The following EFL1 variants were observed in gnomAD, a reference collection of about 807,000 sequenced individuals.
EFL1 encodes elongation factor like GTPase 1.
In EFL1, 76 loss-of-function variants were observed where a neutral mutation model predicts 126.7. The observed-to-expected ratio is 0.60, with a 90% confidence interval of 0.50 to 0.73. EFL1 has a LOEUF of 0.73. Among genes scored for constraint, EFL1 ranks in the 30% least tolerant of loss-of-function variants. The pLI, the probability that EFL1 is intolerant of heterozygous loss-of-function variation, is 0.00. For missense variants in EFL1, 1,128 were observed against 1,343.2 expected (o/e 0.84, Z 2.50); for synonymous variants, 410 against 448.4 (o/e 0.91, Z 1.08).
At chr15:82,170,682 TTTTGGAG>T (rs1567048888) in intron 15 of EFL1, among the ~76,000 whole-genome samples, 1 of 152,206 alleles carries the variant, frequency 6.6e-6, no homozygotes, top group Non-Finnish European at 1.5e-5. Flanking sequence ...TTAAGAGCTA[TTTTGGAG>T]TATGACATAA....
chr15:82,140,929 T>A (rs1567037700), intron 18 of EFL1, among the ~76,000 whole-genome samples: 1 of 152,226 alleles, frequency 6.6e-6, no homozygotes, highest in South Asian at 2.1e-4. Flanking sequence ...CATCTTTGGA[T>A]AACTGTAACA....
At chr15:82,143,552 C>T (rs191057618) in intron 18 of EFL1, among the ~76,000 whole-genome samples, 1 of 152,318 alleles carries the variant, frequency 6.6e-6, no homozygotes, top group East Asian at 1.9e-4. Flanking sequence ...AGCTATAAGA[C>T]TGCTGAATCA....
At chr15:82,189,151 C>T (rs1459064589) in intron 15 of EFL1, among the ~76,000 whole-genome samples, 2 of 152,164 alleles carry the variant, frequency 1.3e-5, no homozygotes, top group East Asian at 3.9e-4. Flanking sequence ...GTACCGAGTA[C>T]TATACACAAT....
intron 15 of EFL1, among the ~76,000 whole-genome samples, chr15:82,189,345 A>G (rs974429555): frequency 6.6e-6 from 1 of 152,198 alleles, no homozygotes; most frequent in African/African-American, 2.4e-5. Flanking sequence ...TAGATACAAG[A>G]GGTACAGTAG....
rs2074101098 is a variant in EFL1 at position 82,168,488 on chromosome 15, A to G, written c.1751-4504T>C. ...TCATAAATTTTTTTCTTCTCATAGG[A>G]ACAGACTGAGCTAATAACAGTTTTC... On this transcript the variant is annotated intron_variant, in intron 15 of 19. Transcript: ENST00000268206. Among the ~76,000 whole-genome samples the G allele has an allele frequency of 2.0e-5, 3 of 152,150 alleles. No individual in the cohort carries two copies. The South Asian group carries it at 6.2e-4, about 32-fold the overall frequency.
chr15:82,253,316 G>C, intron 3 of EFL1, among the ~76,000 whole-genome samples: 1 of 151,956 alleles, frequency 6.6e-6, no homozygotes, highest in South Asian at 2.1e-4. Context: ...CTGGCATTAC[G>C]GGCATGAGCT....
At chr15:82,134,267 A>G (rs1043509262) in intron 19 of EFL1, among the ~76,000 whole-genome samples, 2 of 152,094 alleles carry the variant, frequency 1.3e-5, no homozygotes, top group African/African-American at 4.8e-5. Context: ...TCCTTAGTGG[A>G]GCAAAGACAA....
intron 14 of EFL1, chr15:82,215,783 G>T (rs920726892): frequency 2.6e-5 from 4 of 152,154 alleles, no homozygotes; most frequent in Non-Finnish European, 4.4e-5. Context: ...AGGTTCAGAG[G>T]AAGGAGAGGC....
At chr15:82,191,278 G>GTA (rs920090348) in intron 15 of EFL1, among the ~76,000 whole-genome samples, 5 of 152,054 alleles carry the variant, frequency 3.3e-5, no homozygotes, top group African/African-American at 1.2e-4. Context: ...TACTTCAAGC[G>GTA]TAAAGTTTTC....
intron 4 of EFL1, among the ~76,000 whole-genome samples, chr15:82,250,977 C>T (rs1445416443): frequency 2.0e-5 from 3 of 152,024 alleles, no homozygotes; most frequent in Non-Finnish European, 4.4e-5. Flanking sequence ...TTTGGGACAC[C>T]GAGGCGGGCG....
At chr15:82,215,946 G>A (rs1311988960) in intron 14 of EFL1, among the ~76,000 whole-genome samples, 1 of 151,914 alleles carries the variant, frequency 6.6e-6, no homozygotes, top group African/African-American at 2.4e-5. Flanking sequence ...GAACTGAATA[G>A]AAAGAAATGG....
At position 82,157,352 on chromosome 15, in the gene EFL1, A is replaced by G. The variant is rs150531865; in HGVS notation, c.2030+361T>C. 7.6e-3 allele frequency: 1,237 copies of G among 161,884 alleles called. 14 individuals carry two copies. Among genetic ancestry groups the G allele is most frequent in the African/African-American group, 0.028 (1,155 of 41,776 alleles). The allele number at this position is 161,884 out of a possible 1,614,324, so 10.0% of individuals were successfully genotyped here. The stretch of plus-strand genomic sequence containing the variant: ...CCAGAAGGTTTACATTGTAAAGACC[A>G]CATCAATAAGAGAAGAAGTCTATCC... On this transcript the variant is annotated intron_variant, in intron 17 of 19. Transcript: ENST00000268206.
rs1318847115 is a variant in EFL1 at position 82,261,760 on chromosome 15, C to A, written c.19G>T (p.Asp7Tyr). Reference protein sequence around the residue: MVLNSLDKMIQLQKNTA... With the variant: MVLNSLYKMIQLQKNTA... ...TTTTTCTGGAGTTGAATCATCTTAT[C>A]CAAACTGTTGAGCACCATGATTACT... is the stretch of plus-strand genomic sequence containing the variant. The change falls in exon 2 of 20, where the codon GAT (aspartate) becomes TAT (tyrosine). Residue 7 changes from aspartate to tyrosine, a missense_variant. This residue lies in a region of EFL1 where 118 missense variants were observed against 188.1 expected (regional missense o/e 0.63). Coordinates refer to ENST00000268206, the MANE Select transcript of EFL1 (RefSeq NM_024580.6). The A allele has an allele frequency of 6.2e-7, 1 of 1,614,030 alleles. No homozygotes were observed. Among genetic ancestry groups the A allele is most frequent in the East Asian group, 2.2e-5 (1 of 44,878 alleles).
rs371928625 is a variant in EFL1, at chr15:82,214,831, G to C, written c.1636C>G (p.Pro546Ala). 1.9e-6 allele frequency: 3 copies of C among 1,588,150 alleles called. No individual in the cohort carries two copies. The African/African-American group carries it at 4.1e-5, about 22-fold the overall frequency. Reference sequence around the variant, plus strand: ...TGGGGGACTTGGGGGAGGCCATCTGGTGGAGCTGAGAAGCCTAATGGTACC... The same window carrying C: ...TGGGGGACTTGGGGGAGGCCATCTGCTGGAGCTGAGAAGCCTAATGGTACC... ...RRVPLGFSAPPDGLPQVPHMA... is the reference protein window; with the variant it reads ...RRVPLGFSAPADGLPQVPHMA... The change falls in exon 15 of 20, where the codon CCA (proline) becomes GCA (alanine). Residue 546 changes from proline to alanine, a missense_variant. Pro to Ala is a conservative substitution (Grantham distance 27). Around this residue, in one of 6 missense-constraint regions of EFL1, gnomAD observed 120 missense variants for 142.1 expected, o/e 0.84. Coordinates refer to ENST00000268206, the MANE Select transcript of EFL1 (RefSeq NM_024580.6).
At chr15:82,173,714 A>T (rs2141252058) in intron 15 of EFL1, among the ~76,000 whole-genome samples, 1 of 152,324 alleles carries the variant, frequency 6.6e-6, no homozygotes, top group African/African-American at 2.4e-5. Context: ...TAAAATATAT[A>T]AGAAAACATA....
chr15:82,261,295 A>T (rs1490153231), intron 2 of EFL1, among the ~76,000 whole-genome samples: 1 of 152,214 alleles, frequency 6.6e-6, no homozygotes, highest in Non-Finnish European at 1.5e-5. Context: ...CTCCACCTTC[A>T]GACATACTAA....
chr15:82,146,610 GA>G (rs11345305), intron 18 of EFL1, among the ~76,000 whole-genome samples: 75,827 of 128,618 alleles, frequency 0.59, 22,063 homozygotes, highest in East Asian at 0.81. Context: ...ATCAATTCGA[GA>G]AAAAAAAAAA....
rs749685770 is a variant in EFL1, at chr15:82,227,588, A to G, written c.1070-16T>C. ...CACACCATAGCTGAAGTCTATTGTT[A>G]AGGACTGAAAACCTTGAGCCAGTGC... On this transcript the variant is annotated splice_polypyrimidine_tract_variant and intron_variant, in intron 10 of 19. Coordinates refer to ENST00000268206, the MANE Select transcript of EFL1 (RefSeq NM_024580.6). 8.7e-6 allele frequency: 14 copies of G among 1,613,912 alleles called. No individual in the cohort carries two copies. In the African/African-American group the frequency reaches 1.9e-4, roughly 22 times the overall value.
At chr15:82,215,199 G>GACT (rs1211066051) in intron 14 of EFL1, among the ~76,000 whole-genome samples, 3 of 152,154 alleles carry the variant, frequency 2.0e-5, no homozygotes, top group Non-Finnish European at 4.4e-5. Context: ...CAGTTCTGGT[G>GACT]ACTACTGTGC....
Sources: allele counts gnomAD v4.1 joint callset (sites outside exome capture counted in the v4.1 genomes callset), GRCh38; gene constraint gnomAD v4.1.1; regional missense constraint gnomAD v4.1.1; transcripts MANE v1.5; gene names NCBI Gene and HGNC (gene_info 2026-07-23, HGNC 2026-07-21).